Variants in ACSS3 observed in about 807,000 individuals in gnomAD.
The protein encoded by ACSS3 is acyl-CoA synthetase short chain family member 3, also known as acyl-CoA synthetase short-chain family member 3, mitochondrial.
Under a neutral mutation model 84.2 loss-of-function variants are expected in ACSS3, and 64 were observed. That is an observed-to-expected ratio of 0.76 (90% CI 0.62 to 0.94). ACSS3 has a LOEUF of 0.94. Among genes scored for constraint, ACSS3 ranks in the 40% least tolerant of loss-of-function variants. The pLI is 0.00. For missense variants in ACSS3, 815 were observed against 867.6 expected, an observed-to-expected ratio of 0.94 and a Z score of 0.76; for synonymous variants, 317 against 310.1, an observed-to-expected ratio of 1.02 and a Z score of -0.23.
At chr12:81,082,345 T>C (rs75191554) in intron 1 of ACSS3, among the ~76,000 whole-genome samples, 2,842 of 152,300 alleles carry the variant, frequency 0.019, 52 homozygotes, top group African/African-American at 0.044. Flanking sequence ...GAACACTATT[T>C]AGAGTTGCAG....
chr12:81,155,268 G>A (rs1253642372), intron 7 of ACSS3, among the ~76,000 whole-genome samples: 1 of 152,080 alleles, frequency 6.6e-6, no homozygotes, highest in Non-Finnish European at 1.5e-5. Flanking sequence ...TTAGAGTTTA[G>A]CAGGATCATA....
At chr12:81,205,069 C>T (rs925951405) in intron 9 of ACSS3, among the ~76,000 whole-genome samples, 2 of 152,044 alleles carry the variant, frequency 1.3e-5, no homozygotes, top group Non-Finnish European at 2.9e-5. Context: ...GATTGAACTG[C>T]TTCGGTTTTA....
chr12:81,235,527 T>A (rs2033604524), intron 13 of ACSS3, among the ~76,000 whole-genome samples: 1 of 151,310 alleles, frequency 6.6e-6, no homozygotes, highest in Non-Finnish European at 1.5e-5. Context: ...AATGAACCCA[T>A]GCATAAATTT....
rs1020825424 is a variant in ACSS3 at position 81,162,645 on chromosome 12, C to A, written c.1098+10549C>A. Among the ~76,000 whole-genome samples, 69 of 152,248 alleles carry A rather than the reference C, an allele frequency of 4.5e-4. 1 individual carries two copies. The highest frequency in any genetic ancestry group is 2.9e-4 in the Non-Finnish European group (20 of 68,014). On this transcript the variant is annotated intron_variant, in intron 7 of 15. Transcript: ENST00000548058. ...AGGGGAGGCTTCACTGGGGACCCAC[C>A]CCTTTCCACCCAGAAGCCTGTCTAC...
intron 11 of ACSS3, among the ~76,000 whole-genome samples, chr12:81,221,240 T>G (rs1342428335): frequency 6.6e-6 from 1 of 152,078 alleles, no homozygotes; most frequent in Non-Finnish European, 1.5e-5. Context: ...TCCCTCTGAT[T>G]AACATGATAT....
At chr12:81,243,404 G>T (rs2033877435) in intron 13 of ACSS3, among the ~76,000 whole-genome samples, 1 of 152,164 alleles carries the variant, frequency 6.6e-6, no homozygotes, top group Non-Finnish European at 1.5e-5. Flanking sequence ...TGGGTAGGAA[G>T]AATCAATATC....
intron 7 of ACSS3, among the ~76,000 whole-genome samples, chr12:81,153,893 A>T (rs964113183): frequency 6.6e-5 from 10 of 152,194 alleles, no homozygotes; most frequent in African/African-American, 2.4e-4. Flanking sequence ...AGAAATATTA[A>T]GGTAGACTTT....
At chr12:81,139,400 A>C in intron 4 of ACSS3, 135 bp downstream of exon 4, 3 of 1,025,298 alleles carry the variant, frequency 2.9e-6, no homozygotes, top group Non-Finnish European at 4.1e-6. Context: ...TTTCTAAAAA[A>C]TATATGAATA....
intron 9 of ACSS3, among the ~76,000 whole-genome samples, 163 bp from the exon 10 acceptor site, chr12:81,216,738 T>C (rs941809515): frequency 6.6e-6 from 1 of 152,188 alleles, no homozygotes; most frequent in African/African-American, 2.4e-5. Context: ...TATAAGTTAC[T>C]AGATAGCTTT....
At chr12:81,111,909 T>C (rs915031011) in intron 2 of ACSS3, among the ~76,000 whole-genome samples, 1 of 152,136 alleles carries the variant, frequency 6.6e-6, no homozygotes, top group Non-Finnish European at 1.5e-5. Context: ...GCTGGGCAGC[T>C]CAAGACAGAA....
At chr12:81,251,668 CAAAAAA>C (rs71098134) in intron 13 of ACSS3, among the ~76,000 whole-genome samples, 1 of 87,856 alleles carries the variant, frequency 1.1e-5, no homozygotes. Context: ...CCCATCTCTA[CAAAAAA>C]AAAAAAAAAA....
intron 8 of ACSS3, among the ~76,000 whole-genome samples, chr12:81,188,441 C>T (rs1039061612): frequency 1.3e-5 from 2 of 151,916 alleles, no homozygotes; most frequent in African/African-American, 4.8e-5. Context: ...TGAACATATC[C>T]ATTGAACACA....
At position 81,233,482 on chromosome 12, in the gene ACSS3, A is replaced by G; in HGVS notation, c.1719+11A>G. The G allele has an allele frequency of 6.2e-7, 1 of 1,609,794 alleles. No homozygotes were observed. The highest frequency in any genetic ancestry group is 8.5e-7 in the Non-Finnish European group (1 of 1,177,200). On this transcript the variant is annotated intron_variant, in intron 13 of 15. Coordinates refer to ENST00000548058, the MANE Select transcript of ACSS3 (RefSeq NM_024560.4). ...GGCGCCATTGAAGAGGTATTGATGA[A>G]TATTGGTATTCTATTCCAAGTAGTG...
At chr12:81,188,350 A>G (rs1047677840) in intron 8 of ACSS3, among the ~76,000 whole-genome samples, 2 of 152,052 alleles carry the variant, frequency 1.3e-5, no homozygotes, top group Non-Finnish European at 2.9e-5. Flanking sequence ...CTATGCATAC[A>G]TTTATATTTT....
Position 81,259,517 on chromosome 12 carries a change from A to G in ACSS3, c.*4595A>G. The G allele has an allele frequency of 1.1e-6, 1 of 918,460 alleles. No homozygotes were observed. The allele number at this position is 918,460 out of a possible 1,614,324, so 56.9% of individuals were successfully genotyped here. A position where few individuals can be genotyped will look rare whatever the true frequency, so the allele number is the denominator to read the frequency against. On this transcript the variant is annotated 3_prime_UTR_variant, in exon 16 of 16. Coordinates refer to ENST00000548058, the MANE Select transcript of ACSS3 (RefSeq NM_024560.4). ...GTAAACTAATCAAATGTAATATCTG[A>G]CTCCCCCCAAAAATCACATTTTTCA...
At chr12:81,224,643 T>C (rs1284188403) in intron 11 of ACSS3, among the ~76,000 whole-genome samples, 1 of 151,684 alleles carries the variant, frequency 6.6e-6, no homozygotes, top group Non-Finnish European at 1.5e-5. Flanking sequence ...TTTCACTTCA[T>C]GCAGTTTCAG....
intron 12 of ACSS3, among the ~76,000 whole-genome samples, chr12:81,231,416 G>A (rs2033461945): frequency 6.6e-6 from 1 of 151,696 alleles, no homozygotes; most frequent in Admixed American, 6.6e-5. Context: ...GACATTATTT[G>A]TTACATAAAA....
At chr12:81,114,764 A>G (rs962282656) in intron 2 of ACSS3, among the ~76,000 whole-genome samples, 4 of 152,096 alleles carry the variant, frequency 2.6e-5, no homozygotes, top group African/African-American at 2.4e-5. Context: ...GCAATTTTTG[A>G]ACTTTTATTG....
chr12:81,084,780 A>G (rs1025561097), intron 1 of ACSS3, among the ~76,000 whole-genome samples: 3 of 152,230 alleles, frequency 2.0e-5, no homozygotes, highest in Non-Finnish European at 4.4e-5. Flanking sequence ...AATAGTGGTC[A>G]AGGGCTCTAG....
Sources: allele counts gnomAD v4.1 joint callset (sites outside exome capture counted in the v4.1 genomes callset), GRCh38; gene constraint gnomAD v4.1.1; transcripts MANE v1.5; gene names NCBI Gene and HGNC (gene_info 2026-07-23, HGNC 2026-07-21).